The following PPP2R5A variants were observed in gnomAD, a reference collection of about 807,000 sequenced individuals.
PPP2R5A encodes protein phosphatase 2 regulatory subunit B'alpha, also known as serine/threonine-protein phosphatase 2A 56 kDa regulatory subunit alpha isoform.
In PPP2R5A, 25 loss-of-function variants were observed where a neutral mutation model predicts 64.2. The observed-to-expected ratio is 0.39, with a 90% confidence interval of 0.28 to 0.54. PPP2R5A has a LOEUF of 0.54. PPP2R5A is among the 20% of genes least tolerant of loss of function. The pLI is 0.67. For synonymous variants in PPP2R5A, 198 were observed against 201.2 expected, an observed-to-expected ratio of 0.98 and a Z score of 0.13; for missense variants, 425 against 576.3, an observed-to-expected ratio of 0.74 and a Z score of 2.69.
intron 1 of PPP2R5A, among the ~76,000 whole-genome samples, chr1:212,327,493 C>T (rs1659425944): frequency 6.6e-6 from 1 of 152,094 alleles, no homozygotes; most frequent in Non-Finnish European, 1.5e-5. Context: ...CGGCTCATTG[C>T]AACCCCCACC....
intron 1 of PPP2R5A, among the ~76,000 whole-genome samples, chr1:212,293,245 T>A (rs1471033960): frequency 2.0e-5 from 3 of 152,214 alleles, no homozygotes; most frequent in Non-Finnish European, 4.4e-5. Context: ...TTGATTGATT[T>A]GTTGCTATGA....
chr1:212,304,573 G>A (rs921630853), intron 1 of PPP2R5A, among the ~76,000 whole-genome samples: 1 of 151,888 alleles, frequency 6.6e-6, no homozygotes, highest in East Asian at 1.9e-4. Flanking sequence ...AAAAGAGATG[G>A]GGTCTCGCTA....
chr1:212,343,000 C>G (rs1212314891), intron 4 of PPP2R5A, among the ~76,000 whole-genome samples: 2 of 151,890 alleles, frequency 1.3e-5, no homozygotes, highest in Non-Finnish European at 2.9e-5. Flanking sequence ...CAGACTGGAG[C>G]ACAGTGGTGC....
At chr1:212,342,424 A>G in intron 4 of PPP2R5A, 144 bp downstream of exon 4, 1 of 1,140,528 alleles carries the variant, frequency 8.8e-7, no homozygotes, top group East Asian at 2.7e-5. Context: ...TTAGAATAAA[A>G]GTGAAGTTAG....
In PPP2R5A at chr1:212,360,841, A is replaced by C. The variant is rs1660067971; in HGVS notation, c.*71A>C. 7.1e-7 allele frequency: 1 copy of C among 1,413,162 alleles called. No individual in the cohort carries two copies. Among genetic ancestry groups the C allele is most frequent in the East Asian group, 2.4e-5 (1 of 41,040 alleles). The allele number at this position is 1,413,162 out of a possible 1,614,324, so 87.5% of individuals were successfully genotyped here. ...TTTTTTGAAATATGTAAAAATTACA[A>C]AACAAACCTCATCAGTATAATATAA... On this transcript the variant is annotated 3_prime_UTR_variant, in exon 13 of 13. Transcript: ENST00000261461.
At chr1:212,309,259 A>G (rs1487239518) in intron 1 of PPP2R5A, 10 of 1,511,116 alleles carry the variant, frequency 6.6e-6, no homozygotes, top group Middle Eastern at 1.8e-4. Flanking sequence ...TATCTTCTTC[A>G]TGGCAGACTC....
chr1:212,355,833 C>T (rs948533428), intron 8 of PPP2R5A, among the ~76,000 whole-genome samples: 2 of 151,910 alleles, frequency 1.3e-5, no homozygotes, highest in Non-Finnish European at 2.9e-5. Flanking sequence ...TTTGGGAGGC[C>T]GAGGCTGGTG....
At chr1:212,301,696 A>G (rs1658801908) in intron 1 of PPP2R5A, 2 of 375,920 alleles carry the variant, frequency 5.3e-6, no homozygotes, top group Non-Finnish European at 7.4e-6. Flanking sequence ...TTAATGTTCT[A>G]GGGGTATTGC....
intron 3 of PPP2R5A, among the ~76,000 whole-genome samples, chr1:212,340,586 C>G (rs1659670551): frequency 6.6e-6 from 1 of 152,288 alleles, no homozygotes. Flanking sequence ...TCTTTTATCT[C>G]TATTGTTGTT....
At chr1:212,293,872 T>G (rs1025752784) in intron 1 of PPP2R5A, among the ~76,000 whole-genome samples, 3 of 152,210 alleles carry the variant, frequency 2.0e-5, no homozygotes, top group Non-Finnish European at 4.4e-5. Flanking sequence ...TCATTCTGGT[T>G]TAGCCTCTGT....
intron 1 of PPP2R5A, among the ~76,000 whole-genome samples, chr1:212,286,571 C>T (rs1382466436): frequency 6.6e-6 from 1 of 152,214 alleles, no homozygotes; most frequent in Non-Finnish European, 1.5e-5. Flanking sequence ...GCTTAACCTG[C>T]ACTTCCTATC....
chr1:212,353,813 C>T (rs1659928568), intron 8 of PPP2R5A, among the ~76,000 whole-genome samples: 1 of 152,044 alleles, frequency 6.6e-6, no homozygotes, highest in South Asian at 2.1e-4. Context: ...AAATTAAGTA[C>T]AGGAAAAATA....
chr1:212,355,932 G>A (rs1205218235), intron 8 of PPP2R5A, among the ~76,000 whole-genome samples: 1 of 151,962 alleles, frequency 6.6e-6, no homozygotes, highest in Admixed American at 6.6e-5. Flanking sequence ...GGGTGTGGTG[G>A]TGGGCGCCTA....
At chr1:212,320,510 C>T (rs540939006) in intron 1 of PPP2R5A, among the ~76,000 whole-genome samples, 2,150 of 152,112 alleles carry the variant, frequency 0.014, 45 homozygotes, top group African/African-American at 0.048. Context: ...CCTCACTTCC[C>T]AGTAGGGGCG....
chr1:212,287,549 T>G (rs972323771), intron 1 of PPP2R5A, among the ~76,000 whole-genome samples: 4 of 152,202 alleles, frequency 2.6e-5, no homozygotes, highest in African/African-American at 4.8e-5. Context: ...TTCTAAATCA[T>G]GACATCTCAC....
intron 5 of PPP2R5A, 69 bp from the exon 6 acceptor site, chr1:212,347,278 C>T (rs1464786289): frequency 2.6e-6 from 3 of 1,137,272 alleles, no homozygotes; most frequent in Non-Finnish European, 3.9e-6. Context: ...TTTCTTCACC[C>T]TCCTGCCTGT....
At chr1:212,294,489 C>A (rs926291508) in intron 1 of PPP2R5A, among the ~76,000 whole-genome samples, 2 of 152,112 alleles carry the variant, frequency 1.3e-5, no homozygotes, top group African/African-American at 4.8e-5. Context: ...CGTGCCCTAC[C>A]ATTCTTCTTT....
chr1:212,309,666 T>C (rs1658991094), intron 1 of PPP2R5A: 1 of 498,982 alleles, frequency 2.0e-6, no homozygotes, highest in East Asian at 3.7e-5. Context: ...TTCTGGCACA[T>C]GGGTTATATT....
At chr1:212,346,233 A>AG (rs1659775101) in intron 5 of PPP2R5A, among the ~76,000 whole-genome samples, 1 of 152,024 alleles carries the variant, frequency 6.6e-6, no homozygotes, top group Non-Finnish European at 1.5e-5. Flanking sequence ...TATGTAACAT[A>AG]TATATGTAAC....
Sources: allele counts gnomAD v4.1 joint callset (sites outside exome capture counted in the v4.1 genomes callset), GRCh38; gene constraint gnomAD v4.1.1; transcripts MANE v1.5; gene names NCBI Gene and HGNC (gene_info 2026-07-23, HGNC 2026-07-21).